Variants in PCDH15 observed in about 807,000 individuals in gnomAD.
PCDH15 encodes the protein protocadherin related 15, also known as protocadherin-15.
Under a neutral mutation model 178.5 loss-of-function variants are expected in PCDH15, and 129 were observed. That is an observed-to-expected ratio of 0.72 (90% confidence interval 0.63 to 0.84). PCDH15 has a LOEUF of 0.84. Ranked by LOEUF, PCDH15 falls within the 40% of genes least tolerant of loss-of-function variation. The pLI is 0.00. For missense variants in PCDH15, 2,230 were observed against 2,099.9 expected, an observed-to-expected ratio of 1.06 and a Z score of -1.21; for synonymous variants, 800 against 732.0, an observed-to-expected ratio of 1.09 and a Z score of -1.50.
chr10:55,546,642 A>G (rs1433245680), intron 2 of PCDH15, among the ~76,000 whole-genome samples: 1 of 152,174 alleles, frequency 6.6e-6, no homozygotes, highest in Non-Finnish European at 1.5e-5. Context: ...CCTTTAGGTT[A>G]GGATACCGGC....
At chr10:55,528,481 G>T (rs1589112742) in intron 2 of PCDH15, among the ~76,000 whole-genome samples, 1 of 152,006 alleles carries the variant, frequency 6.6e-6, no homozygotes, top group East Asian at 1.9e-4. Context: ...GCGGTGTTTG[G>T]TTTTTTGCCC....
At chr10:55,580,487 A>G (rs1260373459) in intron 2 of PCDH15, among the ~76,000 whole-genome samples, 2 of 151,622 alleles carry the variant, frequency 1.3e-5, no homozygotes, top group African/African-American at 4.9e-5. Context: ...CCTCTCGAGC[A>G]GCTGGGATTA....
chr10:54,313,719 T>A (rs750301651), intron 8 of PCDH15, among the ~76,000 whole-genome samples: 4 of 152,270 alleles, frequency 2.6e-5, no homozygotes, highest in Non-Finnish European at 5.9e-5. Context: ...CATAGTTCAT[T>A]ACGAACAGAA....
intron 3 of PCDH15, among the ~76,000 whole-genome samples, chr10:54,404,940 A>G (rs7904180): frequency 6.6e-6 from 1 of 152,064 alleles, no homozygotes; most frequent in South Asian, 2.1e-4. Context: ...CAAAACCACA[A>G]TAAGATACCA....
At chr10:54,422,344 T>A (rs1955638766) in intron 3 of PCDH15, among the ~76,000 whole-genome samples, 1 of 152,076 alleles carries the variant, frequency 6.6e-6, no homozygotes, top group South Asian at 2.1e-4. Context: ...CCTACCCTAT[T>A]TTGTAGTATA....
chr10:54,088,451 A>G (rs1471173123), intron 16 of PCDH15, among the ~76,000 whole-genome samples: 2 of 152,140 alleles, frequency 1.3e-5, no homozygotes, highest in Admixed American at 6.6e-5. Context: ...TTCTTGAGAC[A>G]TGTTTCACAC....
chr10:55,121,714 T>A (rs970922436), intron 2 of PCDH15, among the ~76,000 whole-genome samples: 1 of 152,072 alleles, frequency 6.6e-6, no homozygotes, highest in African/African-American at 2.4e-5. Context: ...GCCAACTAGA[T>A]CCTTCTGCCC....
intron 2 of PCDH15, among the ~76,000 whole-genome samples, chr10:54,998,447 C>T (rs1225222865): frequency 6.6e-6 from 1 of 151,754 alleles, no homozygotes; most frequent in African/African-American, 2.4e-5. Context: ...TTGGATAATT[C>T]TGTCATTAAA....
At chr10:53,934,076 C>CT (rs1723228659) in intron 25 of PCDH15, among the ~76,000 whole-genome samples, 1 of 152,038 alleles carries the variant, frequency 6.6e-6, no homozygotes, top group South Asian at 2.1e-4. Flanking sequence ...GATATTAGCC[C>CT]TTTGTCAGAT....
chr10:54,690,957 G>A (rs2095110541), intron 1 of PCDH15, among the ~76,000 whole-genome samples: 1 of 152,060 alleles, frequency 6.6e-6, no homozygotes, highest in African/African-American at 2.4e-5. Flanking sequence ...GGTGAGTTAT[G>A]TAGCTTATGA....
At chr10:55,310,028 T>C (rs1843539699) in intron 1 of PCDH15, among the ~76,000 whole-genome samples, 1 of 152,156 alleles carries the variant, frequency 6.6e-6, no homozygotes, top group Non-Finnish European at 1.5e-5. Context: ...TTTTTTCACT[T>C]TTATATTTTC....
At chr10:55,604,203 A>AAC (rs1390013674) in intron 2 of PCDH15, among the ~76,000 whole-genome samples, 2 of 100,428 alleles carry the variant, frequency 2.0e-5, no homozygotes. Flanking sequence ...AACTATCCTA[A>AAC]ATATATATGC....
At chr10:54,316,529 TACACAC>T (rs35604056) in intron 8 of PCDH15, among the ~76,000 whole-genome samples, 2,504 of 132,260 alleles carry the variant, frequency 0.019, 25 homozygotes, top group Admixed American at 0.025. Flanking sequence ...AATATGTGTA[TACACAC>T]ACACACACAC....
intron 2 of PCDH15, among the ~76,000 whole-genome samples, chr10:54,629,280 T>C (rs2093638753): frequency 1.3e-5 from 2 of 152,086 alleles, no homozygotes; most frequent in South Asian, 2.1e-4. Flanking sequence ...TAAAGAACTT[T>C]ATAGAAGTAT....
chr10:54,782,400 TA>T (rs1950451205), intron 1 of PCDH15, among the ~76,000 whole-genome samples: 1 of 152,124 alleles, frequency 6.6e-6, no homozygotes, highest in Non-Finnish European at 1.5e-5. Context: ...CTCAGAAATA[TA>T]AACTAAAATC....
intron 25 of PCDH15, among the ~76,000 whole-genome samples, chr10:53,912,656 C>T (rs1431194817): frequency 6.6e-6 from 1 of 152,056 alleles, no homozygotes; most frequent in East Asian, 1.9e-4. Context: ...CAATAACAGA[C>T]AAAGACCCAA....
At chr10:55,408,613 T>C (rs925602211) in intron 2 of PCDH15, among the ~76,000 whole-genome samples, 2 of 152,200 alleles carry the variant, frequency 1.3e-5, no homozygotes, top group Non-Finnish European at 1.5e-5. Context: ...CATTAAAATA[T>C]TGAAGTAAGA....
chr10:54,432,834 A>C (rs1957115876), intron 3 of PCDH15, among the ~76,000 whole-genome samples: 1 of 152,082 alleles, frequency 6.6e-6, no homozygotes, highest in Non-Finnish European at 1.5e-5. Flanking sequence ...CCATCTGACA[A>C]AGTATTAATA....
chr10:54,389,111 C>T (rs1935250319), intron 3 of PCDH15, among the ~76,000 whole-genome samples: 2 of 151,254 alleles, frequency 1.3e-5, no homozygotes, highest in South Asian at 2.1e-4. Flanking sequence ...CATTCTGTTA[C>T]AGCGTCCCTC....
Sources: allele counts gnomAD v4.1 joint callset (sites outside exome capture counted in the v4.1 genomes callset), GRCh38; gene constraint gnomAD v4.1.1; transcripts MANE v1.5; gene names NCBI Gene and HGNC (gene_info 2026-07-23, HGNC 2026-07-21).